MAN1A1: variants seen among roughly 807,000 people sequenced by gnomAD.
MAN1A1 encodes mannosyl-oligosaccharide 1,2-alpha-mannosidase IA.
MAN1A1 carries 29 observed loss-of-function variants against 70.8 expected under a neutral mutation model. The ratio of observed to expected loss-of-function variants is 0.41; its 90% confidence interval spans 0.31 to 0.56. The LOEUF (loss-of-function observed/expected upper bound fraction) is 0.56, where lower values mean the gene tolerates loss of function less well. Ranked by LOEUF, MAN1A1 falls within the 20% of genes least tolerant of loss-of-function variation. The pLI is 0.29. For missense variants in MAN1A1, 747 were observed against 841.3 expected, an observed-to-expected ratio of 0.89 and a Z score of 1.39; for synonymous variants, 349 against 330.1, an observed-to-expected ratio of 1.06 and a Z score of -0.62.
intron 8 of MAN1A1, among the ~76,000 whole-genome samples, chr6:119,198,741 T>C (rs1773639010): frequency 6.6e-6 from 1 of 152,222 alleles, no homozygotes. Flanking sequence ...TGGATACTCA[T>C]GTCTGCCCTA....
chr6:119,339,831 C>T (rs1283881560), intron 2 of MAN1A1, among the ~76,000 whole-genome samples: 1 of 152,140 alleles, frequency 6.6e-6, no homozygotes, highest in African/African-American at 2.4e-5. Flanking sequence ...TGGCTCATGC[C>T]TATAATCCCA....
chr6:119,258,250 A>G (rs866132489), intron 5 of MAN1A1, among the ~76,000 whole-genome samples: 3 of 152,198 alleles, frequency 2.0e-5, no homozygotes, highest in African/African-American at 7.2e-5. Context: ...TTTGTTCAAG[A>G]AAAAGACAAA....
chr6:119,207,305 T>C (rs1773891829), intron 6 of MAN1A1, among the ~76,000 whole-genome samples: 1 of 152,114 alleles, frequency 6.6e-6, no homozygotes, highest in Admixed American at 6.5e-5. Flanking sequence ...GGAAATGTTA[T>C]ACTAATAGAA....
At position 119,349,644 on chromosome 6, in the gene MAN1A1, G is replaced by A. The variant is rs1215679074; in HGVS notation, c.-325C>T. On this transcript the variant is annotated 5_prime_UTR_variant, in exon 1 of 13. Coordinates refer to ENST00000368468, the MANE Select transcript of MAN1A1 (RefSeq NM_005907.4). ...GCCTCTTTCCTAGGCTGGGCTGAGCGCGCTGTCCCACGGTCCCGCAGCCCC... is the reference window on the plus strand; with the variant it reads ...GCCTCTTTCCTAGGCTGGGCTGAGCACGCTGTCCCACGGTCCCGCAGCCCC... The A allele has an allele frequency of 2.0e-6, 2 of 985,818 alleles. No individual in the cohort carries two copies. The highest frequency in any genetic ancestry group is 4.7e-5 in the South Asian group (1 of 21,300). The allele number at this position is 985,818 out of a possible 1,614,324, so 61.1% of individuals were successfully genotyped here. A position where few individuals can be genotyped will look rare whatever the true frequency, so the allele number is the denominator to read the frequency against.
chr6:119,254,849 T>A (rs981762458), intron 5 of MAN1A1, among the ~76,000 whole-genome samples: 2 of 152,204 alleles, frequency 1.3e-5, no homozygotes, highest in Non-Finnish European at 2.9e-5. Flanking sequence ...CTTTCGAGCA[T>A]GTAACTAACA....
In MAN1A1 at chr6:119,308,336, T is replaced by A. The variant is rs549266044; in HGVS notation, c.604-1344A>T. Among the ~76,000 whole-genome samples the A allele has an allele frequency of 1.1e-4, 16 of 152,288 alleles. No homozygotes were observed. The South Asian group carries it at 3.1e-3, about 30-fold the overall frequency. On this transcript the variant is annotated intron_variant, in intron 2 of 12. Transcript: ENST00000368468. ...TTCCTTTACTGAATCAGATTGTTGA[T>A]CTTTCAACAATCAAAAGAATGTGTA...
intron 4 of MAN1A1, among the ~76,000 whole-genome samples, chr6:119,298,377 T>C (rs1450591266): frequency 1.3e-5 from 2 of 152,250 alleles, no homozygotes; most frequent in South Asian, 2.1e-4. Flanking sequence ...TATGCCCTAA[T>C]GAAAAGGAAA....
At chr6:119,215,959 A>G (rs1464018789) in intron 6 of MAN1A1, among the ~76,000 whole-genome samples, 2 of 152,208 alleles carry the variant, frequency 1.3e-5, no homozygotes, top group Admixed American at 6.5e-5. Context: ...AGGTGAGACC[A>G]GAAACGATCG....
chr6:119,253,684 T>C (rs1221569613), intron 5 of MAN1A1, among the ~76,000 whole-genome samples: 2 of 152,330 alleles, frequency 1.3e-5, no homozygotes, highest in African/African-American at 2.4e-5. Context: ...ATTTGATTAA[T>C]AAAGATGTGT....
Position 119,203,748 on chromosome 6 carries a change from A to C in MAN1A1, c.1116+1011T>G, listed in dbSNP as rs572510414. ...TTTACCAAGATAGCAAAGACTGGAGAAGCACGTCTAGGCGTTAAGTCCGAG... is the reference window on the plus strand; with the variant it reads ...TTTACCAAGATAGCAAAGACTGGAGCAGCACGTCTAGGCGTTAAGTCCGAG... On this transcript the variant is annotated intron_variant, in intron 7 of 12. Coordinates refer to ENST00000368468, the MANE Select transcript of MAN1A1 (RefSeq NM_005907.4). Among the ~76,000 whole-genome samples the C allele has an allele frequency of 8.5e-5, 13 of 152,220 alleles. No individual in the cohort carries two copies. In the East Asian group the frequency reaches 1.9e-3, roughly 23 times the overall value.
intron 9 of MAN1A1, 67 bp from the exon 10 acceptor site, chr6:119,189,950 A>G (rs878962588): frequency 5.8e-6 from 7 of 1,212,322 alleles, no homozygotes; most frequent in African/African-American, 4.8e-5. Flanking sequence ...AAATATGCCC[A>G]ACATTAAAAA....
intron 5 of MAN1A1, among the ~76,000 whole-genome samples, chr6:119,271,209 C>T (rs957230976): frequency 1.3e-5 from 2 of 151,924 alleles, no homozygotes; most frequent in African/African-American, 4.8e-5. Context: ...CCCACTATAC[C>T]CCTCCCCTAA....
chr6:119,297,448 C>T (rs563898467), intron 4 of MAN1A1, among the ~76,000 whole-genome samples: 1 of 152,270 alleles, frequency 6.6e-6, no homozygotes, highest in South Asian at 2.1e-4. Flanking sequence ...ACATGCCTAA[C>T]CTCAGAGGAC....
At chr6:119,338,436 G>C (rs1773519705) in intron 2 of MAN1A1, among the ~76,000 whole-genome samples, 1 of 151,962 alleles carries the variant, frequency 6.6e-6, no homozygotes, top group Admixed American at 6.6e-5. Flanking sequence ...AACACTGAAG[G>C]CCTCTCACAT....
intron 6 of MAN1A1, among the ~76,000 whole-genome samples, chr6:119,211,763 G>A (rs187822940): frequency 4.6e-5 from 7 of 151,486 alleles, no homozygotes; most frequent in Admixed American, 1.3e-4. Flanking sequence ...TTAAATGATT[G>A]TCTTTTATTC....
In MAN1A1 at chr6:119,213,231, G is replaced by A. The variant is rs540602364; in HGVS notation, c.993-8349C>T. On this transcript the variant is annotated intron_variant, in intron 6 of 12. Coordinates refer to ENST00000368468, the MANE Select transcript of MAN1A1 (RefSeq NM_005907.4). The stretch of plus-strand genomic sequence containing the variant: ...AAGTAATGCACAAATAAAAATGTGC[G>A]CATAGCTTGTGATAAAAACAAACAG... Among the ~76,000 whole-genome samples the A allele has an allele frequency of 2.7e-4, 41 of 152,144 alleles. No homozygotes were observed. The South Asian group carries it at 7.5e-3, about 28-fold the overall frequency.
intron 2 of MAN1A1, among the ~76,000 whole-genome samples, chr6:119,340,967 G>C (rs1426389195): frequency 6.6e-6 from 1 of 152,304 alleles, no homozygotes; most frequent in South Asian, 2.1e-4. Flanking sequence ...GAGCGAGAAG[G>C]AGTCATTCTA....
chr6:119,289,842 A>G (rs1776485155), intron 5 of MAN1A1, among the ~76,000 whole-genome samples: 1 of 152,002 alleles, frequency 6.6e-6, no homozygotes, highest in African/African-American at 2.4e-5. Flanking sequence ...AATACATGAA[A>G]TACTGGTTTG....
intron 3 of MAN1A1, among the ~76,000 whole-genome samples, chr6:119,302,864 T>A (rs1337796536): frequency 6.6e-6 from 1 of 152,166 alleles, no homozygotes; most frequent in African/African-American, 2.4e-5. Flanking sequence ...CCCGTATGAA[T>A]TCTGACTGAT....
Sources: allele counts gnomAD v4.1 joint callset (sites outside exome capture counted in the v4.1 genomes callset), GRCh38; gene constraint gnomAD v4.1.1; transcripts MANE v1.5; gene names NCBI Gene and HGNC (gene_info 2026-07-23, HGNC 2026-07-21).